UNC5D: variants seen among roughly 807,000 people sequenced by gnomAD.
UNC5D encodes the protein unc-5 netrin receptor D.
A neutral mutation model predicts 105.4 loss-of-function variants in UNC5D; 39 were observed. The observed-to-expected ratio is 0.37, with a 90% confidence interval of 0.29 to 0.48. The LOEUF is 0.48. Among genes scored for constraint, UNC5D ranks in the 20% least tolerant of loss-of-function variants. UNC5D has a pLI of 0.98. For missense variants in UNC5D, 991 were observed against 1,202.4 expected (o/e 0.82, Z 2.60); for synonymous variants, 452 against 450.4 (o/e 1.00, Z -0.04).
chr8:35,350,301 CA>C (rs1382542694), intron 1 of UNC5D, among the ~76,000 whole-genome samples: 1 of 151,740 alleles, frequency 6.6e-6, no homozygotes, highest in Non-Finnish European at 1.5e-5. Context: ...GGTCCTATCT[CA>C]AAAACATAAT....
chr8:35,722,175 T>A, intron 8 of UNC5D, 35 bp from the exon 9 acceptor site: 1 of 1,603,318 alleles, frequency 6.2e-7, no homozygotes, highest in Non-Finnish European at 8.5e-7. Flanking sequence ...TTTGTGCCCA[T>A]GCTGGTCACT....
At chr8:35,342,838 G>C (rs938810187) in intron 1 of UNC5D, among the ~76,000 whole-genome samples, 1 of 152,104 alleles carries the variant, frequency 6.6e-6, no homozygotes, top group African/African-American at 2.4e-5. Flanking sequence ...ATCTAACATA[G>C]AGGGAGATAT....
chr8:35,783,761 C>G (rs563453086), intron 16 of UNC5D, among the ~76,000 whole-genome samples: 11 of 152,140 alleles, frequency 7.2e-5, no homozygotes, highest in Admixed American at 4.6e-4. Flanking sequence ...GGTGGTATCT[C>G]TAGCCACTTT....
chr8:35,371,352 G>C (rs1321207680), intron 1 of UNC5D, among the ~76,000 whole-genome samples: 5 of 152,096 alleles, frequency 3.3e-5, no homozygotes, highest in Non-Finnish European at 4.4e-5. Context: ...AAAAATAACA[G>C]TGTTCCTACT....
At chr8:35,393,854 C>A (rs1803933024) in intron 1 of UNC5D, among the ~76,000 whole-genome samples, 1 of 152,152 alleles carries the variant, frequency 6.6e-6, no homozygotes, top group African/African-American at 2.4e-5. Flanking sequence ...CACTGTAGAT[C>A]TTAAAGATCA....
At chr8:35,756,238 T>C (rs1054494401) in intron 13 of UNC5D, among the ~76,000 whole-genome samples, 1 of 152,230 alleles carries the variant, frequency 6.6e-6, no homozygotes, top group Non-Finnish European at 1.5e-5. Flanking sequence ...TAATTGTATA[T>C]TGTTGGCTCA....
intron 1 of UNC5D, among the ~76,000 whole-genome samples, chr8:35,267,628 G>A (rs556310793): frequency 8.5e-5 from 13 of 152,100 alleles, no homozygotes; most frequent in African/African-American, 2.4e-4. Context: ...CAGTAGAGAC[G>A]GGGTTTCACC....
Position 35,609,058 on chromosome 8 carries a change from G to T in UNC5D, c.570+13401G>T, listed in dbSNP as rs150382047. ...AAAAGTTGCCTTTTCTCCGCATCTT[G>T]TCAACATCCAGTTTTTTTTAAACTT... On this transcript the variant is annotated intron_variant, in intron 4 of 16. Transcript: ENST00000404895. Among the ~76,000 whole-genome samples the T allele has an allele frequency of 1.4e-4, 22 of 152,144 alleles. No homozygotes were observed. The East Asian group carries it at 3.7e-3, about 25-fold the overall frequency.
At chr8:35,735,966 A>G (rs1242073650) in intron 11 of UNC5D, among the ~76,000 whole-genome samples, 1 of 152,178 alleles carries the variant, frequency 6.6e-6, no homozygotes, top group Admixed American at 6.5e-5. Flanking sequence ...TTCTCTTAAT[A>G]AGAATGGAGT....
In UNC5D at chr8:35,767,163, G is replaced by A. The variant is rs575449492; in HGVS notation, c.2478+97G>A. The A allele has an allele frequency of 2.5e-4, 346 of 1,386,294 alleles. 1 individual carries two copies. The highest frequency in any genetic ancestry group is 2.8e-4 in the Non-Finnish European group (286 of 1,038,094). 85.9% of individuals were successfully genotyped at this position (1,386,294 alleles called of 1,614,324 possible). A position where few individuals can be genotyped will look rare whatever the true frequency, so the allele number is the denominator to read the frequency against. ...CAGCCGTGCTATTCAGGTTCTGAAAGAGCTTCAAAATGCACAAACTCTTCA... is the reference window on the plus strand; with the variant it reads ...CAGCCGTGCTATTCAGGTTCTGAAAAAGCTTCAAAATGCACAAACTCTTCA... On this transcript the variant is annotated intron_variant, in intron 15 of 16. Transcript: ENST00000404895.
intron 1 of UNC5D, among the ~76,000 whole-genome samples, chr8:35,288,749 G>C (rs893066097): frequency 4.6e-5 from 7 of 152,124 alleles, no homozygotes; most frequent in Non-Finnish European, 1.0e-4. Flanking sequence ...GTTTTTATAT[G>C]CATGTAAAGG....
chr8:35,677,890 CTGTGTG>C (rs35785055), intron 4 of UNC5D, among the ~76,000 whole-genome samples: 7 of 149,252 alleles, frequency 4.7e-5, no homozygotes, highest in Non-Finnish European at 1.0e-4. Flanking sequence ...GTGTGAGTGT[CTGTGTG>C]TGTGTGTGTG....
intron 4 of UNC5D, among the ~76,000 whole-genome samples, chr8:35,647,520 A>T (rs1823130731): frequency 6.6e-6 from 1 of 152,108 alleles, no homozygotes; most frequent in African/African-American, 2.4e-5. Flanking sequence ...TTTAATGCAT[A>T]GTCTTCATGT....
At position 35,589,330 on chromosome 8, in the gene UNC5D, A is replaced by G. The variant is rs182526245; in HGVS notation, c.467-6224A>G. On this transcript the variant is annotated intron_variant, in intron 3 of 16. Coordinates refer to ENST00000404895, the MANE Select transcript of UNC5D (RefSeq NM_080872.4). ...TTAACCACCCCTATATTATTAAGTT[A>G]TTAGCAAGTGTTCATCATTATAAAT... Among the ~76,000 whole-genome samples the G allele has an allele frequency of 3.0e-3, 463 of 152,062 alleles. 6 individuals carry two copies. The highest frequency in any genetic ancestry group is 0.011 in the African/African-American group (452 of 41,500).
intron 1 of UNC5D, among the ~76,000 whole-genome samples, chr8:35,458,584 T>C (rs1230479057): frequency 2.0e-5 from 3 of 152,172 alleles, no homozygotes; most frequent in South Asian, 4.1e-4. Flanking sequence ...TTAAAAATAA[T>C]GAGACACTTC....
intron 1 of UNC5D, among the ~76,000 whole-genome samples, chr8:35,375,263 A>C (rs924660826): frequency 6.6e-6 from 1 of 152,218 alleles, no homozygotes; most frequent in African/African-American, 2.4e-5. Context: ...TCACAAAGTA[A>C]TTGAACTAAA....
chr8:35,536,712 G>T (rs1291831807), intron 1 of UNC5D, among the ~76,000 whole-genome samples: 1 of 152,200 alleles, frequency 6.6e-6, no homozygotes, highest in Non-Finnish European at 1.5e-5. Flanking sequence ...AAAAAGCAAG[G>T]TGTGGCTGGG....
At chr8:35,767,669 G>T (rs73578258) in intron 15 of UNC5D, among the ~76,000 whole-genome samples, 1 of 152,076 alleles carries the variant, frequency 6.6e-6, no homozygotes, top group Admixed American at 6.5e-5. Flanking sequence ...ATTCTATAAG[G>T]TAAGGAAATA....
At chr8:35,261,165 C>T (rs1804465397) in intron 1 of UNC5D, among the ~76,000 whole-genome samples, 1 of 152,150 alleles carries the variant, frequency 6.6e-6, no homozygotes, top group Non-Finnish European at 1.5e-5. Context: ...TTCAGATGGA[C>T]TTGCGCATCA....
Sources: gnomAD v4.1 joint callset for allele counts (sites outside exome capture counted in the v4.1 genomes callset) on GRCh38, gnomAD v4.1.1 for gene constraint, MANE v1.5 for transcripts, NCBI Gene and HGNC (gene_info 2026-07-23, HGNC 2026-07-21) for gene names.